The following PTTG1IP variants were observed in gnomAD, a reference collection of about 807,000 sequenced individuals.
PTTG1IP encodes the protein PTTG1 interacting protein.
PTTG1IP carries 16 observed loss-of-function variants against 24.4 expected under a neutral mutation model. The ratio of observed to expected loss-of-function variants is 0.66; its 90% CI spans 0.44 to 1.00. PTTG1IP has a LOEUF of 1.00. Among genes scored for constraint, PTTG1IP ranks in the 50% least tolerant of loss-of-function variants. The pLI is 0.00. For missense variants in PTTG1IP, 241 were observed against 245.8 expected (o/e 0.98, Z 0.13); for synonymous variants, 89 against 96.8 (o/e 0.92, Z 0.47).
chr21:44,865,135 C>G (rs139711584), intron 2 of PTTG1IP, among the ~76,000 whole-genome samples: 1 of 152,210 alleles, frequency 6.6e-6, no homozygotes, highest in African/African-American at 2.4e-5. Flanking sequence ...AGACTGGCCA[C>G]GCAGTGCTGG....
At chr21:44,854,337 AGCACCGTGGGC>A (rs1361899507) in intron 5 of PTTG1IP, among the ~76,000 whole-genome samples, 1 of 152,268 alleles carries the variant, frequency 6.6e-6, no homozygotes, top group Admixed American at 6.5e-5. Flanking sequence ...CTTCAAGGAA[AGCACCGTGGGC>A]GCAGGACGAC....
At position 44,851,253 on chromosome 21, in the gene PTTG1IP, C is replaced by T; in HGVS notation, c.*328G>A. 2 of 1,267,448 alleles carry T rather than the reference C, an allele frequency of 1.6e-6. No homozygotes were observed. The highest frequency in any genetic ancestry group is 5.5e-5 in the Admixed American group (2 of 36,196). The allele number at this position is 1,267,448 out of a possible 1,614,324, so 78.5% of individuals were successfully genotyped here. A position where few individuals can be genotyped will look rare whatever the true frequency, so the allele number is the denominator to read the frequency against. Reference sequence around the variant, plus strand: ...GCAGGGTTCTGCCCTGGGAGAATGACAGCCACAGCGCTGGGTGCCGTCAGG... The same window carrying T: ...GCAGGGTTCTGCCCTGGGAGAATGATAGCCACAGCGCTGGGTGCCGTCAGG... On this transcript the variant is annotated 3_prime_UTR_variant, in exon 6 of 6. Coordinates refer to ENST00000330938, the MANE Select transcript of PTTG1IP (RefSeq NM_004339.4).
intron 2 of PTTG1IP, among the ~76,000 whole-genome samples, chr21:44,863,696 CAG>C (rs1387096686): frequency 3.3e-5 from 5 of 152,324 alleles, no homozygotes; most frequent in African/African-American, 1.2e-4. Flanking sequence ...TAGAAAAATC[CAG>C]AGACTAAAAA....
intron 3 of PTTG1IP, among the ~76,000 whole-genome samples, chr21:44,857,506 C>T (rs767407524): frequency 6.6e-6 from 1 of 152,210 alleles, no homozygotes; most frequent in Non-Finnish European, 1.5e-5. Context: ...AAAAAACACC[C>T]AGCCAGCCTC....
In PTTG1IP at chr21:44,861,049, G is replaced by A. The variant is rs984532357; in HGVS notation, c.277+114C>T. On this transcript the variant is annotated intron_variant, in intron 3 of 5. Transcript: ENST00000330938. ...AATCTCCTGACCTCTTGATCCACCC[G>A]CCTCCGCCTCCCAAAGTGCTGGGAT... The A allele has an allele frequency of 3.1e-5, 24 of 765,628 alleles. No individual in the cohort carries two copies. The highest frequency in any genetic ancestry group is 2.4e-4 in the Middle Eastern group (1 of 4,118). 47.4% of individuals were successfully genotyped at this position (765,628 alleles called of 1,614,324 possible).
chr21:44,860,517 G>T (rs972149605), intron 3 of PTTG1IP, among the ~76,000 whole-genome samples: 1 of 152,162 alleles, frequency 6.6e-6, no homozygotes, highest in African/African-American at 2.4e-5. Flanking sequence ...GAAAACTGGA[G>T]ATTCTAGGGG....
chr21:44,852,880 T>C (rs995295744), intron 5 of PTTG1IP, among the ~76,000 whole-genome samples: 2 of 152,196 alleles, frequency 1.3e-5, no homozygotes, highest in Non-Finnish European at 2.9e-5. Context: ...CAGGAATTCC[T>C]AGGAATTCTT....
chr21:44,864,159 G>A (rs1321202681), intron 2 of PTTG1IP, among the ~76,000 whole-genome samples: 1 of 152,226 alleles, frequency 6.6e-6, no homozygotes, highest in African/African-American at 2.4e-5. Context: ...GGGTGGGCGA[G>A]ATCAGGAATC....
intron 1 of PTTG1IP, among the ~76,000 whole-genome samples, chr21:44,866,945 G>A (rs959888459): frequency 1.3e-5 from 2 of 152,176 alleles, no homozygotes; most frequent in African/African-American, 4.8e-5. Context: ...ACAAACATGC[G>A]ACCACCTATG....
chr21:44,858,635 C>T (rs575924027), intron 3 of PTTG1IP, among the ~76,000 whole-genome samples: 1 of 152,384 alleles, frequency 6.6e-6, no homozygotes, highest in Admixed American at 6.5e-5. Flanking sequence ...CCCCTCCCCA[C>T]TGTGACTGTG....
At chr21:44,863,727 T>C (rs1428335195) in intron 2 of PTTG1IP, among the ~76,000 whole-genome samples, 5 of 152,218 alleles carry the variant, frequency 3.3e-5, no homozygotes, top group Admixed American at 6.5e-5. Flanking sequence ...ATCTAGAAAA[T>C]GCACCAGGAC....
rs574425223 is a variant in PTTG1IP, at chr21:44,869,674, C to T, written c.115+3828G>A. ...AAAAAATAAGGAGATCTAGAGAGTG[C>T]TAAGGCAAACAGAGCCAATGTTGAG... On this transcript the variant is annotated intron_variant, in intron 1 of 5. Transcript: ENST00000330938. 3.9e-5 allele frequency among the ~76,000 whole-genome samples: 6 copies of T among 152,298 alleles called. No homozygotes were observed. In the South Asian group the frequency reaches 1.2e-3, roughly 32 times the overall value.
chr21:44,862,965 T>C (rs982977030), intron 2 of PTTG1IP, among the ~76,000 whole-genome samples: 9 of 152,140 alleles, frequency 5.9e-5, no homozygotes, highest in African/African-American at 1.7e-4. Flanking sequence ...GCCACAGGAC[T>C]GCACTGGGAG....
intron 3 of PTTG1IP, among the ~76,000 whole-genome samples, chr21:44,860,588 A>G (rs965786462): frequency 1.3e-5 from 2 of 152,174 alleles, no homozygotes; most frequent in African/African-American, 4.8e-5. Flanking sequence ...GAGAAGTCAA[A>G]CACGTTGCCT....
At chr21:44,858,582 C>T (rs1362878581) in intron 3 of PTTG1IP, among the ~76,000 whole-genome samples, 1 of 152,198 alleles carries the variant, frequency 6.6e-6, no homozygotes, top group Admixed American at 6.5e-5. Flanking sequence ...GGCTGCCTCC[C>T]CGAGCCCTGT....
At position 44,873,622 on chromosome 21, in the gene PTTG1IP, G is replaced by A; in HGVS notation, c.-6C>T. 1.4e-6 allele frequency: 2 copies of A among 1,423,460 alleles called. No homozygotes were observed. The highest frequency in any genetic ancestry group is 1.8e-6 in the Non-Finnish European group (2 of 1,090,508). 88.2% of individuals were successfully genotyped at this position (1,423,460 alleles called of 1,614,324 possible). A position where few individuals can be genotyped will look rare whatever the true frequency, so the allele number is the denominator to read the frequency against. ...CGGGCCACTCCGGGCGCCATGGTCGGCCGGTCGCTCTATCAGTCAGTGGAG... is the reference window on the plus strand; with the variant it reads ...CGGGCCACTCCGGGCGCCATGGTCGACCGGTCGCTCTATCAGTCAGTGGAG... On this transcript the variant is annotated 5_prime_UTR_variant, in exon 1 of 6. Transcript: ENST00000330938.
intron 1 of PTTG1IP, among the ~76,000 whole-genome samples, chr21:44,870,873 T>G (rs760105150): frequency 6.6e-6 from 1 of 152,236 alleles, no homozygotes; most frequent in Non-Finnish European, 1.5e-5. Context: ...CCATGACCCA[T>G]TTGAGTGCTT....
chr21:44,855,282 C>A, intron 4 of PTTG1IP, 26 bp from the exon 5 acceptor site: 1 of 1,598,914 alleles, frequency 6.3e-7, no homozygotes, highest in Non-Finnish European at 8.6e-7. Context: ...ACATTATGAG[C>A]ACCAAACGAC....
intron 4 of PTTG1IP, among the ~76,000 whole-genome samples, 185 bp downstream of exon 4, chr21:44,856,008 A>G (rs542328703): frequency 1.3e-5 from 2 of 152,298 alleles, no homozygotes; most frequent in Admixed American, 1.3e-4. Flanking sequence ...GTTCGCAGCC[A>G]CTGCTAGGTT....
Sources: allele counts gnomAD v4.1 joint callset (sites outside exome capture counted in the v4.1 genomes callset), GRCh38; gene constraint gnomAD v4.1.1; transcripts MANE v1.5; gene names NCBI Gene and HGNC (gene_info 2026-07-23, HGNC 2026-07-21).